The following MAPK8 variants were observed in gnomAD, a reference collection of about 807,000 sequenced individuals.
MAPK8 encodes the protein mitogen-activated protein kinase 8, also known as JUN N-terminal kinase.
A neutral mutation model predicts 52.9 loss-of-function variants in MAPK8; 13 were observed. That is an observed-to-expected ratio of 0.25 (90% CI 0.16 to 0.39). The LOEUF is 0.39. Ranked by LOEUF, MAPK8 falls within the 10% of genes least tolerant of loss-of-function variation. The probability of loss-of-function intolerance (pLI) is 1.00; values close to 1 mark genes in which losing one functional copy is unlikely to be tolerated. For synonymous variants in MAPK8, 191 were observed against 169.8 expected (o/e 1.12, Z -0.97); for missense variants, 300 against 519.2 (o/e 0.58, Z 4.10).
At chr10:48,361,467 A>G (rs1236028869) in intron 1 of MAPK8, among the ~76,000 whole-genome samples, 1 of 151,936 alleles carries the variant, frequency 6.6e-6, no homozygotes, top group Admixed American at 6.5e-5. Flanking sequence ...TAGGGTGAAA[A>G]CAGCCACTGA....
At chr10:48,342,645 A>C (rs955988546) in intron 1 of MAPK8, among the ~76,000 whole-genome samples, 1 of 152,232 alleles carries the variant, frequency 6.6e-6, no homozygotes, top group African/African-American at 2.4e-5. Flanking sequence ...AGAGAGATTT[A>C]GAGGGAAACA....
chr10:48,425,237 G>T (rs1422628592), intron 7 of MAPK8: 3 of 753,484 alleles, frequency 4.0e-6, no homozygotes, highest in Non-Finnish European at 7.4e-6. Flanking sequence ...TTAGGCCTTG[G>T]CCTTCAGGGT....
At position 48,396,125 on chromosome 10, in the gene MAPK8, T is replaced by C. The variant is rs117511659; in HGVS notation, c.-49-5487T>C. 9.1e-3 allele frequency among the ~76,000 whole-genome samples: 1,385 copies of C among 152,150 alleles called. 6 individuals are homozygous for C. Among genetic ancestry groups the C allele is most frequent in the Admixed American group, 0.016 (239 of 15,290 alleles). ...TGGGCTTCATCAAAATTAAAAACTT[T>C]TACTCTGTGAAAGACACTGTTAAGA... On this transcript the variant is annotated intron_variant, in intron 1 of 11. Coordinates refer to ENST00000374189, the MANE Select transcript of MAPK8 (RefSeq NM_001323329.2).
chr10:48,397,614 A>G (rs1488068753), intron 1 of MAPK8, among the ~76,000 whole-genome samples: 1 of 152,048 alleles, frequency 6.6e-6, no homozygotes, highest in Non-Finnish European at 1.5e-5. Context: ...TTTTTGAGAC[A>G]GAGTCTCATT....
In MAPK8 at chr10:48,370,351, CTTAAA is replaced by C. The variant is rs1299125646; in HGVS notation, c.-49-31258_-49-31254del. Reference sequence around the variant, plus strand: ...TTTTTTCACTAGCTTAATTAGAGGTCTTAAATTGAAAGCAGCACCAGTATACATCA... The same window carrying C: ...TTTTTTCACTAGCTTAATTAGAGGTCTTGAAAGCAGCACCAGTATACATCA... On this transcript the variant is annotated intron_variant, in intron 1 of 11. Coordinates refer to ENST00000374189, the MANE Select transcript of MAPK8 (RefSeq NM_001323329.2). Among the ~76,000 whole-genome samples the C allele has an allele frequency of 1.3e-5, 2 of 151,706 alleles. 1 individual carries two copies. The highest frequency in any genetic ancestry group is 1.3e-4 in the Admixed American group (2 of 15,208).
At chr10:48,408,091 A>G (rs2042563822) in intron 3 of MAPK8, among the ~76,000 whole-genome samples, 1 of 152,260 alleles carries the variant, frequency 6.6e-6, no homozygotes, top group African/African-American at 2.4e-5. Flanking sequence ...TGCTTAAAAG[A>G]AAAACATCAA....
chr10:48,330,401 T>G (rs71500235), intron 1 of MAPK8, among the ~76,000 whole-genome samples: 1 of 152,218 alleles, frequency 6.6e-6, no homozygotes, highest in Non-Finnish European at 1.5e-5. Context: ...TTCATGTCTG[T>G]TCTCAAGAGT....
chr10:48,337,961 A>C (rs558573294), intron 1 of MAPK8, among the ~76,000 whole-genome samples: 1 of 152,212 alleles, frequency 6.6e-6, no homozygotes, highest in South Asian at 2.1e-4. Flanking sequence ...AATAAAATCT[A>C]CCAACCACAA....
chr10:48,393,534 C>T (rs780444286), intron 1 of MAPK8, among the ~76,000 whole-genome samples: 4 of 152,048 alleles, frequency 2.6e-5, no homozygotes, highest in African/African-American at 4.8e-5. Flanking sequence ...TGTAATACCA[C>T]GGACTAGATT....
intron 1 of MAPK8, among the ~76,000 whole-genome samples, chr10:48,340,781 A>T (rs2132332939): frequency 6.6e-6 from 1 of 152,328 alleles, no homozygotes; most frequent in African/African-American, 2.4e-5. Context: ...ACATAAGAGG[A>T]TCCCTATGCC....
chr10:48,411,326 T>C (rs2042733801), intron 5 of MAPK8, among the ~76,000 whole-genome samples: 1 of 152,198 alleles, frequency 6.6e-6, no homozygotes, highest in African/African-American at 2.4e-5. Context: ...TTCATTCTTT[T>C]GTATGTGGCA....
At chr10:48,430,963 G>A (rs1431855174) in intron 10 of MAPK8, 7 of 541,580 alleles carry the variant, frequency 1.3e-5, no homozygotes, top group African/African-American at 9.6e-5. Context: ...CAGAAACAGT[G>A]AATTACAGGA....
chr10:48,320,785 T>C lies in MAPK8; in HGVS notation c.-50+13964T>C, dbSNP rs1216299009. 1.1e-4 allele frequency among the ~76,000 whole-genome samples: 17 copies of C among 152,172 alleles called. 1 individual carries two copies. Among genetic ancestry groups the C allele is most frequent in the Admixed American group, 1.1e-3 (17 of 15,278 alleles). ...TATGGGTAACTCTATGCTTATTATT[T>C]TGAAGAACTGCCAAACTGTTTTTCA... is the stretch of plus-strand genomic sequence containing the variant. On this transcript the variant is annotated intron_variant, in intron 1 of 11. Transcript: ENST00000374189.
At chr10:48,413,632 C>A (rs2042878882) in intron 5 of MAPK8, among the ~76,000 whole-genome samples, 1 of 151,654 alleles carries the variant, frequency 6.6e-6, no homozygotes, top group South Asian at 2.1e-4. Context: ...TTTTGGCTGA[C>A]ATCACTGCCT....
intron 1 of MAPK8, among the ~76,000 whole-genome samples, chr10:48,328,355 A>G (rs756939285): frequency 1.3e-5 from 2 of 149,994 alleles, no homozygotes. Flanking sequence ...TTTGACTGTA[A>G]TTCTTTTTTT....
chr10:48,312,558 A>G (rs1027598922), intron 1 of MAPK8, among the ~76,000 whole-genome samples: 3 of 152,206 alleles, frequency 2.0e-5, no homozygotes, highest in East Asian at 1.9e-4. Flanking sequence ...CATCAAAACC[A>G]TAAGATGTTA....
chr10:48,332,173 C>T (rs918396737), intron 1 of MAPK8, among the ~76,000 whole-genome samples: 6 of 152,188 alleles, frequency 3.9e-5, no homozygotes, highest in African/African-American at 1.2e-4. Flanking sequence ...GGCTTCCACC[C>T]AGCTGGAAAG....
chr10:48,436,372 G>C lies in MAPK8; in HGVS notation c.*1343G>C, dbSNP rs2044851680. The stretch of plus-strand genomic sequence containing the variant: ...TGTTAACTGTTTACATTTTCTATCT[G>C]TAGAATTATTTCTCTATTACTGAAC... On this transcript the variant is annotated 3_prime_UTR_variant, in exon 12 of 12. Transcript: ENST00000374189. The C allele has an allele frequency of 6.6e-6, 1 of 152,156 alleles. No individual in the cohort carries two copies. Among genetic ancestry groups the C allele is most frequent in the Admixed American group, 6.5e-5 (1 of 15,268 alleles). 9.4% of individuals were successfully genotyped at this position (152,156 alleles called of 1,614,324 possible). A position where few individuals can be genotyped will look rare whatever the true frequency, so the allele number is the denominator to read the frequency against.
At chr10:48,402,869 A>G (rs1410188203) in intron 2 of MAPK8, among the ~76,000 whole-genome samples, 1 of 152,208 alleles carries the variant, frequency 6.6e-6, no homozygotes, top group African/African-American at 2.4e-5. Context: ...ATTGTGATAC[A>G]GTCATGCTGT....
Sources: gnomAD v4.1 joint callset for allele counts (sites outside exome capture counted in the v4.1 genomes callset) on GRCh38, gnomAD v4.1.1 for gene constraint, MANE v1.5 for transcripts, NCBI Gene and HGNC (gene_info 2026-07-23, HGNC 2026-07-21) for gene names.